KCMF1: variants seen among roughly 807,000 people sequenced by gnomAD.
The protein encoded by KCMF1 is potassium channel modulatory factor 1, also known as E3 ubiquitin-protein ligase KCMF1.
In KCMF1, 3 loss-of-function variants were observed where a neutral mutation model predicts 41.1. That is an observed-to-expected ratio of 0.07 (90% CI 0.03 to 0.19). KCMF1 has a LOEUF of 0.19. Among genes scored for constraint, KCMF1 ranks in the 10% least tolerant of loss-of-function variants. The pLI, the probability that KCMF1 is intolerant of heterozygous loss-of-function variation, is 1.00. For missense variants in KCMF1, 286 were observed against 488.9 expected (o/e 0.58, Z 3.91); for synonymous variants, 142 against 164.5 (o/e 0.86, Z 1.04).
intron 1 of KCMF1, among the ~76,000 whole-genome samples, chr2:84,984,531 T>C (rs553540407): frequency 6.6e-6 from 1 of 151,986 alleles, no homozygotes; most frequent in South Asian, 2.1e-4. Flanking sequence ...TTAAAGAAGC[T>C]TAGCAGAGGC....
chr2:85,011,383 C>T (rs570121137), intron 1 of KCMF1, among the ~76,000 whole-genome samples: 1 of 152,306 alleles, frequency 6.6e-6, no homozygotes, highest in South Asian at 2.1e-4. Context: ...GCTGTTTAGA[C>T]TTACTTGGTG....
intron 3 of KCMF1, among the ~76,000 whole-genome samples, chr2:85,036,751 C>T (rs1384748560): frequency 3.3e-5 from 5 of 151,104 alleles, no homozygotes; most frequent in African/African-American, 9.7e-5. Flanking sequence ...ATGATTGTGC[C>T]ACTGCATTGC....
intron 1 of KCMF1, among the ~76,000 whole-genome samples, chr2:84,975,325 A>C (rs1056257797): frequency 6.6e-6 from 1 of 151,966 alleles, no homozygotes; most frequent in African/African-American, 2.4e-5. Flanking sequence ...CGCTTTAGAG[A>C]GTTGATAGAG....
intron 1 of KCMF1, among the ~76,000 whole-genome samples, chr2:84,976,490 G>C (rs1486946475): frequency 1.3e-5 from 2 of 152,026 alleles, no homozygotes; most frequent in Non-Finnish European, 2.9e-5. Context: ...ACCGGTATGA[G>C]CCACCACGCC....
chr2:85,032,345 T>C (rs1675297595), intron 2 of KCMF1, among the ~76,000 whole-genome samples: 1 of 151,290 alleles, frequency 6.6e-6, no homozygotes, highest in African/African-American at 2.4e-5. Context: ...CTAATTTTTT[T>C]ATTTTTATTT....
rs1675899056 is a variant in KCMF1, at chr2:85,055,172, T to G, written c.*1763T>G. The G allele has an allele frequency of 6.6e-6, 1 of 152,218 alleles. No homozygotes were observed. Among genetic ancestry groups the G allele is most frequent in the Admixed American group, 6.5e-5 (1 of 15,284 alleles). The allele number at this position is 152,218 out of a possible 1,614,324, so 9.4% of individuals were successfully genotyped here. Reference sequence around the variant, plus strand: ...GTTGTTGAGAAGTTTCAAAAATCAGTTTTCAAGCTGTGGTCTTTCAAACAC... The same window carrying G: ...GTTGTTGAGAAGTTTCAAAAATCAGGTTTCAAGCTGTGGTCTTTCAAACAC... On this transcript the variant is annotated 3_prime_UTR_variant, in exon 7 of 7. Coordinates refer to ENST00000409785, the MANE Select transcript of KCMF1 (RefSeq NM_020122.5).
chr2:85,017,272 C>T (rs1574026953), intron 1 of KCMF1, among the ~76,000 whole-genome samples: 1 of 151,162 alleles, frequency 6.6e-6, no homozygotes, highest in Non-Finnish European at 1.5e-5. Flanking sequence ...ATGATCCACC[C>T]GCTTCGGCCT....
At chr2:84,972,279 G>C (rs1673417868) in intron 1 of KCMF1, 1 of 152,244 alleles carries the variant, frequency 6.6e-6, no homozygotes, top group Non-Finnish European at 1.5e-5. Flanking sequence ...TTTGGACCTT[G>C]TTTTGCCATT....
intron 1 of KCMF1, among the ~76,000 whole-genome samples, chr2:84,977,000 T>TTC (rs1405058838): frequency 1.3e-5 from 2 of 151,946 alleles, no homozygotes; most frequent in Non-Finnish European, 2.9e-5. Flanking sequence ...GATTCTAATT[T>TTC]TCTCTCTCTC....
At chr2:85,008,525 G>C (rs957369596) in intron 1 of KCMF1, among the ~76,000 whole-genome samples, 1 of 148,998 alleles carries the variant, frequency 6.7e-6, no homozygotes, top group Non-Finnish European at 1.5e-5. Flanking sequence ...ACACTTGGGA[G>C]CCATTTAAAT....
At chr2:85,018,616 T>C (rs1674847847) in intron 1 of KCMF1, among the ~76,000 whole-genome samples, 1 of 152,006 alleles carries the variant, frequency 6.6e-6, no homozygotes, top group Non-Finnish European at 1.5e-5. Context: ...TGTTATTATT[T>C]GGTTAACTCA....
intron 3 of KCMF1, among the ~76,000 whole-genome samples, chr2:85,037,713 C>T (rs749344391): frequency 2.0e-5 from 3 of 152,158 alleles, no homozygotes; most frequent in Non-Finnish European, 4.4e-5. Flanking sequence ...TTTCTAAATG[C>T]TCTGTTTGCT....
intron 5 of KCMF1, 135 bp from the exon 6 acceptor site, chr2:85,049,231 T>C (rs932721516): frequency 6.3e-5 from 52 of 824,220 alleles, no homozygotes; most frequent in Non-Finnish European, 9.4e-5. Flanking sequence ...AGGATTCAGC[T>C]CTTAAACTGT....
chr2:84,998,184 C>G (rs1027726887), intron 1 of KCMF1, among the ~76,000 whole-genome samples: 4 of 151,704 alleles, frequency 2.6e-5, no homozygotes, highest in Admixed American at 1.3e-4. Context: ...CTCTGCCTCC[C>G]AGGTTCAAGC....
intron 2 of KCMF1, among the ~76,000 whole-genome samples, chr2:85,033,370 G>C (rs1481237391): frequency 6.6e-6 from 1 of 151,992 alleles, no homozygotes; most frequent in African/African-American, 2.4e-5. Flanking sequence ...CTGTCTCTCT[G>C]TTTTATCTTA....
At chr2:84,981,554 T>C (rs542578612) in intron 1 of KCMF1, among the ~76,000 whole-genome samples, 191 of 152,260 alleles carry the variant, frequency 1.3e-3, no homozygotes, top group African/African-American at 4.4e-3. Flanking sequence ...TGTCATGATA[T>C]CAACTTTTTC....
intron 3 of KCMF1, among the ~76,000 whole-genome samples, chr2:85,039,526 A>G (rs1297727034): frequency 2.0e-5 from 3 of 152,272 alleles, no homozygotes; most frequent in East Asian, 1.9e-4. Context: ...ATGTGGAGTA[A>G]TGACTTCAGA....
At chr2:85,026,348 G>T (rs1675102692) in intron 1 of KCMF1, among the ~76,000 whole-genome samples, 2 of 151,190 alleles carry the variant, frequency 1.3e-5, no homozygotes, top group African/African-American at 2.4e-5. Flanking sequence ...TGTTGCCTTG[G>T]CTGGTCTTGA....
intron 1 of KCMF1, among the ~76,000 whole-genome samples, chr2:85,007,015 C>T (rs967608752): frequency 4.0e-5 from 6 of 149,958 alleles, no homozygotes; most frequent in Non-Finnish European, 5.9e-5. Flanking sequence ...GCAGGAGAAT[C>T]GCTTGGACCC....
Sources: gnomAD v4.1 joint callset for allele counts (sites outside exome capture counted in the v4.1 genomes callset) on GRCh38, gnomAD v4.1.1 for gene constraint, MANE v1.5 for transcripts, NCBI Gene and HGNC (gene_info 2026-07-23, HGNC 2026-07-21) for gene names.